The following FARS2 variants were observed in gnomAD, a reference collection of about 807,000 sequenced individuals.
FARS2 encodes phenylalanyl-tRNA synthetase 2, mitochondrial.
Under a neutral mutation model 46.4 loss-of-function variants are expected in FARS2, and 40 were observed. The ratio of observed to expected loss-of-function variants is 0.86; its 90% CI spans 0.67 to 1.12. The LOEUF (loss-of-function observed/expected upper bound fraction) is 1.12, where lower values mean the gene tolerates loss of function less well. Among genes scored for constraint, FARS2 ranks in the 50% most tolerant of loss-of-function variants. The pLI, the probability that FARS2 is intolerant of heterozygous loss-of-function variation, is 0.00. For missense variants in FARS2, 513 were observed against 567.9 expected, an observed-to-expected ratio of 0.90 and a Z score of 0.98; for synonymous variants, 234 against 214.9, an observed-to-expected ratio of 1.09 and a Z score of -0.78.
At chr6:5,766,127 T>C (rs929838147) in intron 6 of FARS2, among the ~76,000 whole-genome samples, 7 of 152,252 alleles carry the variant, frequency 4.6e-5, no homozygotes, top group Admixed American at 1.3e-4. Context: ...ACTTTGCCTA[T>C]GAGTAGAAGC....
At chr6:5,351,036 T>C (rs1757540764) in intron 1 of FARS2, among the ~76,000 whole-genome samples, 1 of 152,204 alleles carries the variant, frequency 6.6e-6, no homozygotes, top group Admixed American at 6.5e-5. Flanking sequence ...TGTCTAGATA[T>C]AAATATTTGA....
At chr6:5,319,363 G>A (rs1025402272) in intron 1 of FARS2, among the ~76,000 whole-genome samples, 3 of 152,098 alleles carry the variant, frequency 2.0e-5, no homozygotes, top group African/African-American at 4.8e-5. Flanking sequence ...AGGAACACTC[G>A]ACTGGTAAGG....
rs148741094 is a variant in FARS2 at position 5,709,697 on chromosome 6, T to TGTGTGTGCGC, written c.1218-61593_1218-61592insTGTGTGCGCG. Among the ~76,000 whole-genome samples, 32 of 91,520 alleles carry TGTGTGTGCGC rather than the reference T, an allele frequency of 3.5e-4. 1 individual carries two copies. Among genetic ancestry groups the TGTGTGTGCGC allele is most frequent in the South Asian group, 2.6e-3 (8 of 3,120 alleles). 60.0% of individuals were successfully genotyped at this position (91,520 alleles called of 152,430 possible). A position where few individuals can be genotyped will look rare whatever the true frequency, so the allele number is the denominator to read the frequency against. ...GTGTGTGTGTGTGTGTGTGTGTGTGTGCGCATGCACGTGCATGTTGGGGGG... is the reference window on the plus strand; with the variant it reads ...GTGTGTGTGTGTGTGTGTGTGTGTGTGTGTGTGCGCGCGCATGCACGTGCATGTTGGGGGG... On this transcript the variant is annotated intron_variant, in intron 6 of 6. Transcript: ENST00000274680.
In FARS2 at chr6:5,771,486, GA is replaced by G; in HGVS notation, c.*62del. 1 of 1,557,314 alleles carries G rather than the reference GA, an allele frequency of 6.4e-7. No individual in the cohort carries two copies. The highest frequency in any genetic ancestry group is 8.7e-7 in the Non-Finnish European group (1 of 1,153,522). ...TGGGGCTCCAGGATTTGCTGAAAGAGAAAAAGATATGGTTTGTGAACTGGGG... is the reference window on the plus strand; with the variant it reads ...TGGGGCTCCAGGATTTGCTGAAAGAGAAAAGATATGGTTTGTGAACTGGGG... On this transcript the variant is annotated 3_prime_UTR_variant, in exon 7 of 7. Coordinates refer to ENST00000274680, the MANE Select transcript of FARS2 (RefSeq NM_006567.5).
chr6:5,734,677 A>T (rs192990266), intron 6 of FARS2, among the ~76,000 whole-genome samples: 1 of 152,324 alleles, frequency 6.6e-6, no homozygotes, highest in East Asian at 1.9e-4. Flanking sequence ...TAACCCTTTG[A>T]TATAGGCATT....
intron 1 of FARS2, among the ~76,000 whole-genome samples, chr6:5,269,250 A>G (rs1259779325): frequency 6.6e-6 from 1 of 151,238 alleles, no homozygotes; most frequent in Non-Finnish European, 1.5e-5. Context: ...AGAAAACCAA[A>G]CACCGCATGT....
Position 5,765,559 on chromosome 6 carries a change from C to T in FARS2, c.1218-5732C>T, listed in dbSNP as rs533459793. Among the ~76,000 whole-genome samples, 1 of 152,078 alleles carries T rather than the reference C, an allele frequency of 6.6e-6. No homozygotes were observed. Among genetic ancestry groups the T allele is most frequent in the Non-Finnish European group, 1.5e-5 (1 of 68,020 alleles). ...AGCCCTCTGGTGGGCCCTGTAGTGC[C>T]GCACTGTACTAGACAAACAGCGCGT... On this transcript the variant is annotated intron_variant, in intron 6 of 6. Transcript: ENST00000274680. The surrounding 1 kb of genome is among the most constrained non-coding windows in gnomAD (Gnocchi z 4.0).
At position 5,415,596 on chromosome 6, in the gene FARS2, C is replaced by T. The variant is rs1582039386; in HGVS notation, c.772+10895C>T. Among the ~76,000 whole-genome samples the T allele has an allele frequency of 2.6e-5, 4 of 151,998 alleles. 1 individual carries two copies. Among genetic ancestry groups the T allele is most frequent in the South Asian group, 4.2e-4 (2 of 4,796 alleles). ...CCTCCCAAAGTGTTGGGATTACAGG[C>T]GTGAGCCACCGCTCCCTGCCTAATT... is the stretch of plus-strand genomic sequence containing the variant. On this transcript the variant is annotated intron_variant, in intron 3 of 6. Coordinates refer to ENST00000274680, the MANE Select transcript of FARS2 (RefSeq NM_006567.5).
intron 6 of FARS2, among the ~76,000 whole-genome samples, chr6:5,678,505 C>A (rs1245651906): frequency 1.3e-5 from 2 of 152,162 alleles, no homozygotes; most frequent in African/African-American, 2.4e-5. Context: ...AGAGGACATA[C>A]TTTTATAGTC....
intron 3 of FARS2, among the ~76,000 whole-genome samples, chr6:5,414,653 A>G (rs1468412120): frequency 2.0e-5 from 3 of 152,132 alleles, no homozygotes; most frequent in East Asian, 1.9e-4. Flanking sequence ...ATGTGTATTC[A>G]TCCACCTATT....
At chr6:5,409,332 T>A (rs756616741) in intron 3 of FARS2, among the ~76,000 whole-genome samples, 1 of 152,030 alleles carries the variant, frequency 6.6e-6, no homozygotes, top group Non-Finnish European at 1.5e-5. Context: ...ACGCCTGTAG[T>A]CCCGGCTACT....
chr6:5,592,555 C>A (rs1320696153), intron 5 of FARS2, among the ~76,000 whole-genome samples: 1 of 152,080 alleles, frequency 6.6e-6, no homozygotes, highest in South Asian at 2.1e-4. Context: ...AATTCACCAA[C>A]CTGCCAACCC....
chr6:5,325,224 C>T (rs1365471916), intron 1 of FARS2, among the ~76,000 whole-genome samples: 2 of 152,164 alleles, frequency 1.3e-5, no homozygotes, highest in African/African-American at 2.4e-5. Context: ...CTTTCTTTTC[C>T]TGAGTCAAAG....
At chr6:5,581,086 A>C (rs1773301743) in intron 5 of FARS2, among the ~76,000 whole-genome samples, 1 of 152,238 alleles carries the variant, frequency 6.6e-6, no homozygotes, top group African/African-American at 2.4e-5. Flanking sequence ...GCAGCCTTAA[A>C]GGTGTGCAAA....
intron 2 of FARS2, among the ~76,000 whole-genome samples, chr6:5,383,909 T>C (rs1759953320): frequency 6.6e-6 from 1 of 152,202 alleles, no homozygotes; most frequent in Non-Finnish European, 1.5e-5. Context: ...ACTGGCATCA[T>C]GAATGAGCTG....
chr6:5,260,598 T>TGCCCCGGCCCCCGGCCCCCCCCCCCC, upstream of FARS2: 1 of 1,105,570 alleles, frequency 9.0e-7, no homozygotes, highest in Non-Finnish European at 1.3e-6. Context: ...GCACCCCCGG[T>TGCCCCGGCCCCCGGCCCCCCCCCCCC]CCCCGGCCCC....
intron 6 of FARS2, among the ~76,000 whole-genome samples, chr6:5,705,409 G>A (rs1185503695): frequency 2.0e-5 from 3 of 152,174 alleles, no homozygotes; most frequent in Non-Finnish European, 2.9e-5. Flanking sequence ...GAGCGATTGC[G>A]GTGTGCTGAA....
intron 5 of FARS2, among the ~76,000 whole-genome samples, chr6:5,562,703 C>CACACACACACACAA (rs1407846853): frequency 1.3e-5 from 2 of 151,332 alleles, no homozygotes; most frequent in African/African-American, 4.9e-5. Flanking sequence ...TATACACACA[C>CACACACACACACAA]ACACACACAC....
intron 6 of FARS2, among the ~76,000 whole-genome samples, chr6:5,709,697 TGCGCATGCAC>T (rs1758998253): frequency 1.1e-5 from 1 of 91,502 alleles, no homozygotes; most frequent in African/African-American, 4.6e-5. Flanking sequence ...TGTGTGTGTG[TGCGCATGCAC>T]GTGCATGTTG....
Sources: gnomAD v4.1 joint callset for allele counts (sites outside exome capture counted in the v4.1 genomes callset) on GRCh38, gnomAD v4.1.1 for gene constraint, Gnocchi (gnomAD v3.1) non-coding constraint, MANE v1.5 for transcripts, NCBI Gene and HGNC (gene_info 2026-07-23, HGNC 2026-07-21) for gene names.